The following HECTD2 variants were observed in gnomAD, a reference collection of about 807,000 sequenced individuals.
The protein encoded by HECTD2 is probable E3 ubiquitin-protein ligase HECTD2.
HECTD2 carries 35 observed loss-of-function variants against 103.2 expected under a neutral mutation model. The observed-to-expected ratio is 0.34, with a 90% CI of 0.26 to 0.45. The LOEUF is 0.45. Ranked by LOEUF, HECTD2 falls within the 20% of genes least tolerant of loss-of-function variation. The pLI is 1.00. For missense variants in HECTD2, 596 were observed against 937.4 expected (o/e 0.64, Z 4.76); for synonymous variants, 281 against 329.9 (o/e 0.85, Z 1.61).
At chr10:91,413,549 G>A (rs1843005221) in intron 1 of HECTD2, among the ~76,000 whole-genome samples, 1 of 152,214 alleles carries the variant, frequency 6.6e-6, no homozygotes, top group African/African-American at 2.4e-5. Context: ...TTCTGGGGAT[G>A]TTGCTCAGGC....
At chr10:91,426,675 A>C (rs1329634451) in intron 2 of HECTD2, among the ~76,000 whole-genome samples, 1 of 151,618 alleles carries the variant, frequency 6.6e-6, no homozygotes, top group Non-Finnish European at 1.5e-5. Context: ...CATTATTTCT[A>C]TACTAATATC....
At chr10:91,455,019 G>A (rs377718796) in intron 2 of HECTD2, among the ~76,000 whole-genome samples, 22 of 152,166 alleles carry the variant, frequency 1.4e-4, no homozygotes, top group South Asian at 2.1e-4. Flanking sequence ...GAATAGTGCC[G>A]CAATAAACAT....
At chr10:91,416,880 A>C (rs550593772) in intron 1 of HECTD2, among the ~76,000 whole-genome samples, 2 of 151,668 alleles carry the variant, frequency 1.3e-5, no homozygotes, top group South Asian at 4.1e-4. Context: ...CCCAGAATTA[A>C]GGGATGTCAT....
intron 11 of HECTD2, among the ~76,000 whole-genome samples, chr10:91,490,930 A>G (rs1846455326): frequency 6.7e-6 from 1 of 150,272 alleles, no homozygotes; most frequent in Non-Finnish European, 1.5e-5. Context: ...GAGATGAGAC[A>G]TACGGAAACT....
intron 2 of HECTD2, among the ~76,000 whole-genome samples, chr10:91,452,823 A>T (rs569078677): frequency 6.6e-6 from 1 of 152,174 alleles, no homozygotes; most frequent in African/African-American, 2.4e-5. Flanking sequence ...AGGACTGTCA[A>T]TGCAGAATCC....
rs977856637 is a variant in HECTD2 at position 91,462,489 on chromosome 10, G to C, written c.600+305G>C. 3.5e-6 allele frequency: 4 copies of C among 1,147,548 alleles called. No homozygotes were observed. The African/African-American group carries it at 4.8e-5, about 14-fold the overall frequency. The allele number at this position is 1,147,548 out of a possible 1,614,324, so 71.1% of individuals were successfully genotyped here. A position where few individuals can be genotyped will look rare whatever the true frequency, so the allele number is the denominator to read the frequency against. On this transcript the variant is annotated intron_variant, in intron 5 of 20. Transcript: ENST00000298068. ...ATATTGGAATTACACTGAATCTGTA[G>C]ATCAGTGGTTCTTAAACATTAGCCT... is the stretch of plus-strand genomic sequence containing the variant.
At chr10:91,425,522 G>A in intron 2 of HECTD2, 112 bp downstream of exon 2, 2 of 702,636 alleles carry the variant, frequency 2.8e-6, no homozygotes, top group Non-Finnish European at 4.1e-6. Flanking sequence ...ACAACAAAAA[G>A]AAGCTGTATA....
At chr10:91,439,786 G>T (rs1844316800) in intron 2 of HECTD2, among the ~76,000 whole-genome samples, 1 of 152,122 alleles carries the variant, frequency 6.6e-6, no homozygotes, top group Admixed American at 6.5e-5. Context: ...TCTCCTTGAA[G>T]AGGTCCTTCA....
intron 5 of HECTD2, among the ~76,000 whole-genome samples, chr10:91,471,248 A>G (rs1845717063): frequency 6.6e-6 from 1 of 152,226 alleles, no homozygotes; most frequent in African/African-American, 2.4e-5. Flanking sequence ...AGATGCAGAA[A>G]AGGCTTTTGA....
intron 2 of HECTD2, among the ~76,000 whole-genome samples, chr10:91,440,118 G>C (rs529894805): frequency 2.6e-5 from 4 of 152,154 alleles, no homozygotes; most frequent in Admixed American, 2.0e-4. Flanking sequence ...ATAATATGTT[G>C]AATAAGAGTA....
At chr10:91,445,228 A>G (rs1844548352) in intron 2 of HECTD2, among the ~76,000 whole-genome samples, 1 of 152,124 alleles carries the variant, frequency 6.6e-6, no homozygotes, top group Non-Finnish European at 1.5e-5. Flanking sequence ...GGGATTGATA[A>G]CTGTTCCTGG....
At chr10:91,427,821 T>C (rs1423605251) in intron 2 of HECTD2, among the ~76,000 whole-genome samples, 1 of 152,166 alleles carries the variant, frequency 6.6e-6, no homozygotes, top group Non-Finnish European at 1.5e-5. Context: ...TCCCATTTTG[T>C]AGGTTGCCTG....
At chr10:91,457,710 A>G (rs1278935239) in intron 2 of HECTD2, among the ~76,000 whole-genome samples, 1 of 152,042 alleles carries the variant, frequency 6.6e-6, no homozygotes, top group Non-Finnish European at 1.5e-5. Context: ...TAGTTGTGAA[A>G]GACTGAATGC....
intron 14 of HECTD2, among the ~76,000 whole-genome samples, chr10:91,494,256 A>G (rs1331127387): frequency 6.6e-6 from 1 of 152,218 alleles, no homozygotes; most frequent in African/African-American, 2.4e-5. Context: ...ATATGGCAGT[A>G]AGTACTAAGG....
intron 20 of HECTD2, among the ~76,000 whole-genome samples, chr10:91,511,430 A>G (rs1424898532): frequency 6.6e-6 from 1 of 152,300 alleles, no homozygotes; most frequent in Middle Eastern, 3.4e-3. Flanking sequence ...TCATTATATT[A>G]TCTACTCCTC....
At position 91,481,104 on chromosome 10, in the gene HECTD2, A is replaced by G. The variant is rs1171776018; in HGVS notation, c.676A>G (p.Lys226Glu). 2 of 1,519,212 alleles carry G rather than the reference A, an allele frequency of 1.3e-6. No homozygotes were observed. Among genetic ancestry groups the G allele is most frequent in the African/African-American group, 2.8e-5 (2 of 71,344 alleles). 94.1% of individuals were successfully genotyped at this position (1,519,212 alleles called of 1,614,324 possible). Reference protein sequence around the residue: ...LLREWKGPRTKDDLRAYFILL... With the variant: ...LLREWKGPRTEDDLRAYFILL... ...TTGTTTCTTTTTCAGTCCACGAACA[A>G]AAGATGATCTTAGAGCATATTTTAT... Residue 226 changes from lysine to glutamate, a missense_variant, in exon 7 of 21, where the codon AAA (lysine) becomes GAA (glutamate). By Grantham distance (56) the Lys-to-Glu change is moderately conservative. Coordinates refer to ENST00000298068, the MANE Select transcript of HECTD2 (RefSeq NM_182765.6).
Position 91,481,141 on chromosome 10 carries a change from TA to T in HECTD2, c.711+4del. 6.6e-7 allele frequency: 1 copy of T among 1,514,188 alleles called. No individual in the cohort carries two copies. Among genetic ancestry groups the T allele is most frequent in the Non-Finnish European group, 9.0e-7 (1 of 1,108,618 alleles). 93.8% of individuals were successfully genotyped at this position (1,514,188 alleles called of 1,614,324 possible). A position where few individuals can be genotyped will look rare whatever the true frequency, so the allele number is the denominator to read the frequency against. Reference sequence around the variant, plus strand: ...AGAGCATATTTTATACTTTTACAGGTAAGAGAACCAGAACCTAGTTGAAGTT... The same window carrying T: ...AGAGCATATTTTATACTTTTACAGGTAGAGAACCAGAACCTAGTTGAAGTT... On this transcript the variant is annotated splice_donor_region_variant and intron_variant, in intron 7 of 20. Transcript: ENST00000298068.
chr10:91,454,991 C>G (rs373728412), intron 2 of HECTD2, among the ~76,000 whole-genome samples: 1 of 152,072 alleles, frequency 6.6e-6, no homozygotes, highest in East Asian at 1.9e-4. Flanking sequence ...TGGGTTAGTT[C>G]CAAGTCTTAG....
intron 8 of HECTD2, among the ~76,000 whole-genome samples, chr10:91,483,401 C>G (rs1238188219): frequency 6.6e-6 from 1 of 151,938 alleles, no homozygotes; most frequent in Non-Finnish European, 1.5e-5. Context: ...TCAGACACTA[C>G]TATTTTAATG....
Sources: allele counts gnomAD v4.1 joint callset (sites outside exome capture counted in the v4.1 genomes callset), GRCh38; gene constraint gnomAD v4.1.1; transcripts MANE v1.5; gene names NCBI Gene and HGNC (gene_info 2026-07-23, HGNC 2026-07-21).